The following COL24A1 variants were observed in gnomAD, a reference collection of about 807,000 sequenced individuals.
COL24A1 encodes collagen type XXIV alpha 1 chain.
In COL24A1, 224 loss-of-function variants were observed where a neutral mutation model predicts 253.9. That is an observed-to-expected ratio of 0.88 (90% CI 0.79 to 0.99). COL24A1 has a LOEUF of 0.99. Ranked by LOEUF, COL24A1 falls within the 50% of genes least tolerant of loss-of-function variation. COL24A1 has a pLI of 0.00. For missense variants in COL24A1, 2,131 were observed against 2,068.5 expected, an observed-to-expected ratio of 1.03 and a Z score of -0.59; for synonymous variants, 685 against 673.7, an observed-to-expected ratio of 1.02 and a Z score of -0.26.
At chr1:86,000,781 A>G (rs1350002026) in intron 19 of COL24A1, among the ~76,000 whole-genome samples, 1 of 152,220 alleles carries the variant, frequency 6.6e-6, no homozygotes, top group Non-Finnish European at 1.5e-5. Flanking sequence ...CATTTTTGTC[A>G]TAAACAATTG....
intron 19 of COL24A1, among the ~76,000 whole-genome samples, chr1:86,010,747 A>G (rs1696414079): frequency 6.6e-6 from 1 of 152,142 alleles, no homozygotes; most frequent in African/African-American, 2.4e-5. Flanking sequence ...CACACAATGA[A>G]GTACTATGAA....
chr1:86,047,014 T>C (rs1452976992), intron 11 of COL24A1, 145 bp from the exon 12 acceptor site: 1 of 637,578 alleles, frequency 1.6e-6, no homozygotes, highest in African/African-American at 1.8e-5. Context: ...CAGAAAAGCC[T>C]CAATATATTA....
chr1:85,985,693 C>A (rs940253795), intron 20 of COL24A1, among the ~76,000 whole-genome samples: 1 of 151,670 alleles, frequency 6.6e-6, no homozygotes, highest in Non-Finnish European at 1.5e-5. Flanking sequence ...GGGGAAATTT[C>A]TATCAAAGGA....
intron 5 of COL24A1, among the ~76,000 whole-genome samples, chr1:86,102,127 G>T (rs1390184364): frequency 6.6e-6 from 1 of 151,958 alleles, no homozygotes; most frequent in Non-Finnish European, 1.5e-5. Flanking sequence ...GAAAGTGTGT[G>T]TGTCCAGGAA....
At chr1:86,131,400 A>G (rs543787229) in intron 2 of COL24A1, among the ~76,000 whole-genome samples, 125 of 152,150 alleles carry the variant, frequency 8.2e-4, no homozygotes, top group African/African-American at 2.9e-3. Context: ...TTTAGGGTAC[A>G]TGTGCACAAT....
chr1:86,080,407 T>C (rs767386136), intron 7 of COL24A1, among the ~76,000 whole-genome samples: 4 of 152,154 alleles, frequency 2.6e-5, no homozygotes, highest in Non-Finnish European at 5.9e-5. Flanking sequence ...AATAATTTAA[T>C]TGTATAATTT....
chr1:86,114,516 G>A (rs1381221218), intron 4 of COL24A1, among the ~76,000 whole-genome samples: 1 of 152,070 alleles, frequency 6.6e-6, no homozygotes, highest in Non-Finnish European at 1.5e-5. Context: ...TTTAGAAGGG[G>A]CTATGGAAGA....
chr1:86,148,454 T>G (rs931963690), intron 1 of COL24A1, among the ~76,000 whole-genome samples: 65 of 152,216 alleles, frequency 4.3e-4, no homozygotes, highest in South Asian at 1.7e-3. Context: ...ACCCACTAAC[T>G]CGTCATCTAG....
At chr1:85,777,305 A>T (rs1668644797) in intron 52 of COL24A1, among the ~76,000 whole-genome samples, 1 of 151,818 alleles carries the variant, frequency 6.6e-6, no homozygotes, top group African/African-American at 2.4e-5. Context: ...CCTTTTCCAC[A>T]CCCTACCCAG....
At chr1:85,856,566 T>C (rs1040525331) in intron 37 of COL24A1, among the ~76,000 whole-genome samples, 2 of 152,202 alleles carry the variant, frequency 1.3e-5, no homozygotes, top group Non-Finnish European at 2.9e-5. Context: ...TCACTGACTT[T>C]CTGATTACCC....
chr1:86,040,564 A>G (rs1232479599), intron 12 of COL24A1, among the ~76,000 whole-genome samples: 1 of 148,200 alleles, frequency 6.7e-6, no homozygotes, highest in Non-Finnish European at 1.5e-5. Flanking sequence ...TCTCTATGAA[A>G]TCAATTATGT....
chr1:85,814,693 T>C (rs1672889152), intron 47 of COL24A1, among the ~76,000 whole-genome samples: 1 of 152,196 alleles, frequency 6.6e-6, no homozygotes. Context: ...TCCTTAAAAT[T>C]TTCTGTCCTT....
intron 20 of COL24A1, among the ~76,000 whole-genome samples, chr1:85,971,628 T>G (rs1369955449): frequency 6.6e-6 from 1 of 152,344 alleles, no homozygotes; most frequent in Middle Eastern, 3.4e-3. Flanking sequence ...CAGTATTTTA[T>G]TCTTCAACCT....
chr1:86,075,845 CCTT>C (rs1702208563), intron 7 of COL24A1, among the ~76,000 whole-genome samples: 1 of 151,966 alleles, frequency 6.6e-6, no homozygotes, highest in South Asian at 2.1e-4. Flanking sequence ...ATTCAACAGC[CCTT>C]CATGCTAAAA....
At chr1:85,980,025 GT>G (rs1344588545) in intron 20 of COL24A1, among the ~76,000 whole-genome samples, 1 of 152,160 alleles carries the variant, frequency 6.6e-6, no homozygotes, top group African/African-American at 2.4e-5. Flanking sequence ...TGCAGGGATG[GT>G]TTAACATATG....
intron 2 of COL24A1, among the ~76,000 whole-genome samples, chr1:86,127,321 C>T (rs772513316): frequency 5.3e-5 from 8 of 151,958 alleles, no homozygotes; most frequent in East Asian, 3.9e-4. Context: ...TATTATTCAT[C>T]GTAATATTAC....
At chr1:85,864,762 A>G (rs535607118) in intron 37 of COL24A1, among the ~76,000 whole-genome samples, 1 of 152,314 alleles carries the variant, frequency 6.6e-6, no homozygotes, top group South Asian at 2.1e-4. Flanking sequence ...CAGATAGTAA[A>G]AACCACATTT....
intron 9 of COL24A1, among the ~76,000 whole-genome samples, 196 bp downstream of exon 9, chr1:86,058,925 C>T (rs1700859246): frequency 6.6e-6 from 1 of 151,786 alleles, no homozygotes. Flanking sequence ...ATTTAAAATC[C>T]CCCTTCCAAT....
At chr1:85,754,446 G>T (rs573760374) in intron 55 of COL24A1, among the ~76,000 whole-genome samples, 1 of 97,672 alleles carries the variant, frequency 1.0e-5, no homozygotes, top group African/African-American at 4.0e-5. Flanking sequence ...TAGATGACAC[G>T]TTAGTGGGTG....
Sources: gnomAD v4.1 joint callset for allele counts (sites outside exome capture counted in the v4.1 genomes callset) on GRCh38, gnomAD v4.1.1 for gene constraint, MANE v1.5 for transcripts, NCBI Gene and HGNC (gene_info 2026-07-23, HGNC 2026-07-21) for gene names.